ADARB2: variants seen among roughly 807,000 people sequenced by gnomAD.
ADARB2 encodes the protein adenosine deaminase RNA specific B2 (inactive).
A neutral mutation model predicts 62.2 loss-of-function variants in ADARB2; 25 were observed. The ratio of observed to expected loss-of-function variants is 0.40; its 90% confidence interval spans 0.29 to 0.56. The LOEUF (loss-of-function observed/expected upper bound fraction) is 0.56, where lower values mean the gene tolerates loss of function less well. ADARB2 is among the 20% of genes least tolerant of loss of function. ADARB2 has a pLI of 0.43. For missense variants in ADARB2, 1,071 were observed against 1,077.4 expected (o/e 0.99, Z 0.08); for synonymous variants, 572 against 500.8 (o/e 1.14, Z -1.90).
At chr10:1,325,590 G>A (rs562486719) in intron 3 of ADARB2, among the ~76,000 whole-genome samples, 1 of 152,328 alleles carries the variant, frequency 6.6e-6, no homozygotes, top group East Asian at 1.9e-4. Context: ...AAAGAAATAA[G>A]AAAAGTATTC....
At chr10:1,394,804 G>A (rs1588242853) in intron 1 of ADARB2, 1 of 456,418 alleles carries the variant, frequency 2.2e-6, no homozygotes, top group African/African-American at 2.0e-5. Context: ...CTAAGGGGAG[G>A]AGCTGCTTCC....
At chr10:1,207,697 T>C (rs1453277832) in intron 7 of ADARB2, among the ~76,000 whole-genome samples, 3 of 152,260 alleles carry the variant, frequency 2.0e-5, no homozygotes, top group African/African-American at 4.8e-5. Context: ...TAATTTCTTA[T>C]GGTTCATTTT....
At chr10:1,577,906 C>G (rs1833041898) in intron 1 of ADARB2, among the ~76,000 whole-genome samples, 1 of 152,204 alleles carries the variant, frequency 6.6e-6, no homozygotes, top group African/African-American at 2.4e-5. Context: ...GATGAGGACA[C>G]AGACACAACC....
rs566612853 is a variant in ADARB2 at position 1,313,828 on chromosome 10, G to A, written c.1078-42759C>T. On this transcript the variant is annotated intron_variant, in intron 3 of 9. Coordinates refer to ENST00000381312, the MANE Select transcript of ADARB2 (RefSeq NM_018702.4). ...TTGCATCAACCTTCCTTCTGAGGTT[G>A]TATGGACTCCCAAATTCCTGTGGCT... Among the ~76,000 whole-genome samples the A allele has an allele frequency of 1.2e-4, 19 of 152,360 alleles. 1 individual carries two copies. The South Asian group carries it at 2.5e-3, about 20-fold the overall frequency.
chr10:1,207,510 T>A (rs1357442300), intron 7 of ADARB2, among the ~76,000 whole-genome samples: 4 of 152,160 alleles, frequency 2.6e-5, no homozygotes, highest in Non-Finnish European at 4.4e-5. Context: ...CAACAAATCA[T>A]GGAGGAAGGC....
chr10:1,630,671 T>C (rs1833830732), intron 1 of ADARB2, among the ~76,000 whole-genome samples: 2 of 152,154 alleles, frequency 1.3e-5, no homozygotes, highest in Admixed American at 1.3e-4. Flanking sequence ...AAGGTCTATG[T>C]GCATTTTAGA....
chr10:1,229,864 G>T (rs959753289), intron 6 of ADARB2, among the ~76,000 whole-genome samples: 3 of 148,330 alleles, frequency 2.0e-5, no homozygotes, highest in Non-Finnish European at 4.4e-5. Context: ...GTGTGTGTGT[G>T]TGTGGGTATA....
rs140736628 is a variant in ADARB2, at chr10:1,209,093, G to A, written c.1682+7858C>T. Among the ~76,000 whole-genome samples the A allele has an allele frequency of 2.4e-3, 371 of 152,240 alleles. 1 individual carries two copies. Among genetic ancestry groups the A allele is most frequent in the Admixed American group, 5.4e-3 (82 of 15,308 alleles). On this transcript the variant is annotated intron_variant, in intron 7 of 9. Coordinates refer to ENST00000381312, the MANE Select transcript of ADARB2 (RefSeq NM_018702.4). ...ATACCCCCAGATCCTTCTGAATGGC[G>A]GAGAACATTAGGTGTGCATTGTGGG...
chr10:1,505,492 G>A (rs986927429), intron 1 of ADARB2, among the ~76,000 whole-genome samples: 3 of 151,862 alleles, frequency 2.0e-5, no homozygotes, highest in South Asian at 2.1e-4. Context: ...CTAAGGTGTC[G>A]TCTGACTCAC....
At chr10:1,465,079 C>T (rs115382933) in intron 1 of ADARB2, among the ~76,000 whole-genome samples, 2,307 of 152,340 alleles carry the variant, frequency 0.015, 65 homozygotes, top group African/African-American at 0.053. Context: ...CAGGAAGGAG[C>T]TGCCGACAGT....
intron 3 of ADARB2, among the ~76,000 whole-genome samples, chr10:1,293,921 T>A (rs1831500756): frequency 6.6e-6 from 1 of 152,048 alleles, no homozygotes; most frequent in Admixed American, 6.5e-5. Context: ...CAGGGCAATG[T>A]CTTTCTCGCA....
chr10:1,296,661 CATCT>C (rs1564249928), intron 3 of ADARB2, among the ~76,000 whole-genome samples: 1 of 152,132 alleles, frequency 6.6e-6, no homozygotes, highest in Non-Finnish European at 1.5e-5. Context: ...CTGCATTTAG[CATCT>C]TTCTATCCAC....
At chr10:1,364,510 C>T (rs1486823785) in intron 2 of ADARB2, among the ~76,000 whole-genome samples, 1 of 152,224 alleles carries the variant, frequency 6.6e-6, no homozygotes, top group Non-Finnish European at 1.5e-5. Context: ...CACACCTATT[C>T]AGTAAATACG....
At chr10:1,580,840 A>G (rs7095293) in intron 1 of ADARB2, among the ~76,000 whole-genome samples, 76,957 of 151,888 alleles carry the variant, frequency 0.51, 19,937 homozygotes, top group East Asian at 0.64. Context: ...CCTTATAACC[A>G]TTTCAGACTG....
chr10:1,702,611 C>G (rs1203435102), intron 1 of ADARB2, among the ~76,000 whole-genome samples: 6 of 152,236 alleles, frequency 3.9e-5, no homozygotes, highest in Admixed American at 2.6e-4. Flanking sequence ...CCCCTCTATT[C>G]TCAGACTCAC....
At chr10:1,603,109 ACCTAT>A (rs1833446373) in intron 1 of ADARB2, among the ~76,000 whole-genome samples, 1 of 148,222 alleles carries the variant, frequency 6.7e-6, no homozygotes, top group African/African-American at 2.6e-5. Context: ...CAACACACAC[ACCTAT>A]ACACACACAC....
At chr10:1,572,239 G>A (rs1489886641) in intron 1 of ADARB2, among the ~76,000 whole-genome samples, 1 of 151,284 alleles carries the variant, frequency 6.6e-6, no homozygotes, top group Non-Finnish European at 1.5e-5. Flanking sequence ...AGGCAGGTGA[G>A]TATGCAGGTG....
intron 1 of ADARB2, among the ~76,000 whole-genome samples, chr10:1,384,259 C>T (rs957052051): frequency 2.0e-5 from 3 of 152,194 alleles, no homozygotes; most frequent in Non-Finnish European, 4.4e-5. Flanking sequence ...GTCCAAGGAC[C>T]GTGACTCAAC....
At chr10:1,285,376 G>T (rs1033299689) in intron 3 of ADARB2, among the ~76,000 whole-genome samples, 1 of 152,160 alleles carries the variant, frequency 6.6e-6, no homozygotes, top group African/African-American at 2.4e-5. Flanking sequence ...GTGGGTGGGG[G>T]TTCTGGAGAA....
Sources: gnomAD v4.1 joint callset for allele counts (sites outside exome capture counted in the v4.1 genomes callset) on GRCh38, gnomAD v4.1.1 for gene constraint, MANE v1.5 for transcripts, NCBI Gene and HGNC (gene_info 2026-07-23, HGNC 2026-07-21) for gene names.